LDB2: variants seen among roughly 807,000 people sequenced by gnomAD.
LDB2 encodes the protein LIM domain binding 2, also known as LIM domain-binding protein 2.
In LDB2, 12 loss-of-function variants were observed where a neutral mutation model predicts 44.3. The observed-to-expected ratio is 0.27, with a 90% CI of 0.17 to 0.44. The LOEUF (loss-of-function observed/expected upper bound fraction) is 0.44, where lower values mean the gene tolerates loss of function less well. LDB2 is among the 20% of genes least tolerant of loss of function. LDB2 has a pLI of 1.00. For synonymous variants in LDB2, 164 were observed against 174.8 expected, an observed-to-expected ratio of 0.94 and a Z score of 0.49; for missense variants, 344 against 473.5, an observed-to-expected ratio of 0.73 and a Z score of 2.54.
chr4:16,514,885 A>T (rs924796276), intron 5 of LDB2, among the ~76,000 whole-genome samples: 3 of 152,066 alleles, frequency 2.0e-5, no homozygotes, highest in East Asian at 3.9e-4. Flanking sequence ...CATTATGAAG[A>T]CTCTGTGTGC....
chr4:16,771,729 C>T (rs1770745648), intron 1 of LDB2, among the ~76,000 whole-genome samples: 1 of 152,188 alleles, frequency 6.6e-6, no homozygotes, highest in Non-Finnish European at 1.5e-5. Context: ...TGGAAATCCA[C>T]CCATGTTTCT....
intron 5 of LDB2, among the ~76,000 whole-genome samples, chr4:16,579,107 A>T (rs913904759): frequency 6.6e-6 from 1 of 152,198 alleles, no homozygotes; most frequent in Non-Finnish European, 1.5e-5. Context: ...AAAGAATTTT[A>T]AAAATCTAGC....
chr4:16,773,360 A>G (rs1771130594), intron 1 of LDB2, among the ~76,000 whole-genome samples: 1 of 152,210 alleles, frequency 6.6e-6, no homozygotes, highest in South Asian at 2.1e-4. Context: ...ATATAATTAA[A>G]TAATTATACA....
intron 3 of LDB2, 138 bp from the exon 4 acceptor site, chr4:16,588,970 A>G: frequency 1.3e-6 from 1 of 791,186 alleles, no homozygotes; most frequent in East Asian, 2.5e-5. Context: ...GACACGAGTG[A>G]TGTGTCCACT....
intron 1 of LDB2, among the ~76,000 whole-genome samples, chr4:16,888,968 ATTCCAGAAGAAAAAACT>A (rs1299620130): frequency 1.3e-5 from 2 of 152,112 alleles, no homozygotes; most frequent in African/African-American, 4.8e-5. Flanking sequence ...CACTGTTTTC[ATTCCAGAAGAAAAAACT>A]ATTGGTGAAA....
chr4:16,610,974 G>T (rs879737274), intron 2 of LDB2, among the ~76,000 whole-genome samples: 2 of 152,152 alleles, frequency 1.3e-5, no homozygotes, highest in Non-Finnish European at 2.9e-5. Flanking sequence ...AGAAAGGCCA[G>T]GTCACCTACA....
intron 2 of LDB2, among the ~76,000 whole-genome samples, chr4:16,605,078 C>T (rs1377688815): frequency 6.6e-6 from 1 of 152,102 alleles, no homozygotes; most frequent in Non-Finnish European, 1.5e-5. Flanking sequence ...GCAACTTTAG[C>T]TAGTTCTATA....
intron 5 of LDB2, among the ~76,000 whole-genome samples, chr4:16,579,445 G>A (rs75570441): frequency 1.1e-4 from 16 of 152,220 alleles, no homozygotes; most frequent in East Asian, 1.9e-4. Flanking sequence ...TTAGAAGAAC[G>A]CATTTCCAGT....
intron 2 of LDB2, among the ~76,000 whole-genome samples, chr4:16,732,934 A>T (rs901360098): frequency 1.3e-5 from 2 of 152,188 alleles, no homozygotes; most frequent in Admixed American, 1.3e-4. Context: ...CTGACTCTTT[A>T]AGGTCGGGGG....
chr4:16,628,535 G>A (rs1267671230), intron 2 of LDB2, among the ~76,000 whole-genome samples: 1 of 151,800 alleles, frequency 6.6e-6, no homozygotes, highest in Non-Finnish European at 1.5e-5. Flanking sequence ...TTTTTTGCCT[G>A]ACAAAACACT....
intron 2 of LDB2, among the ~76,000 whole-genome samples, chr4:16,676,622 C>G (rs1746406152): frequency 2.0e-5 from 3 of 152,348 alleles, no homozygotes; most frequent in Middle Eastern, 3.4e-3. Flanking sequence ...TCTGACAATA[C>G]AAACAGCTCT....
intron 2 of LDB2, among the ~76,000 whole-genome samples, chr4:16,615,553 A>G (rs1202179926): frequency 2.0e-5 from 3 of 152,130 alleles, no homozygotes; most frequent in Admixed American, 2.0e-4. Flanking sequence ...AGAGTTGAAC[A>G]CTGAGAACAC....
At chr4:16,671,108 CAAAAAAAAA>C (rs200098086) in intron 2 of LDB2, among the ~76,000 whole-genome samples, 1 of 111,534 alleles carries the variant, frequency 9.0e-6, no homozygotes, top group African/African-American at 2.9e-5. Flanking sequence ...ATAGCACATA[CAAAAAAAAA>C]AAACAAAAAA....
At chr4:16,516,787 A>G (rs1274154728) in intron 5 of LDB2, among the ~76,000 whole-genome samples, 1 of 152,200 alleles carries the variant, frequency 6.6e-6, no homozygotes, top group African/African-American at 2.4e-5. Context: ...CCTTTAATGT[A>G]AAAATATCTT....
intron 1 of LDB2, among the ~76,000 whole-genome samples, chr4:16,819,092 T>TTGTGTG (rs34553159): frequency 2.7e-5 from 4 of 148,960 alleles, no homozygotes; most frequent in South Asian, 2.1e-4. Context: ...TTGTGGTTGC[T>TTGTGTG]TGTGTGTGTG....
At chr4:16,566,648 C>T (rs534674812) in intron 5 of LDB2, among the ~76,000 whole-genome samples, 3 of 152,034 alleles carry the variant, frequency 2.0e-5, no homozygotes, top group Non-Finnish European at 4.4e-5. Flanking sequence ...AACCAGATGA[C>T]ATAGGGAAAA....
Position 16,506,382 on chromosome 4 carries a change from C to T in LDB2, c.891+2153G>A, listed in dbSNP as rs371363015. On this transcript the variant is annotated intron_variant, in intron 7 of 7. Transcript: ENST00000304523. ...ATCCAACTCTCATTTCCTAACGGTG[C>T]CTTGCTCTTAATCACACAAAATGCA... The T allele has an allele frequency of 3.0e-5, 5 of 164,822 alleles. 1 individual carries two copies. The East Asian group carries it at 5.2e-4, about 17-fold the overall frequency. 10.2% of individuals were successfully genotyped at this position (164,822 alleles called of 1,614,324 possible).
At chr4:16,567,367 A>T (rs201272628) in intron 5 of LDB2, among the ~76,000 whole-genome samples, 88 of 83,246 alleles carry the variant, frequency 1.1e-3, no homozygotes, top group African/African-American at 2.9e-3. Flanking sequence ...GCAGACATAG[A>T]GTGTGTGTGT....
intron 2 of LDB2, among the ~76,000 whole-genome samples, chr4:16,676,177 G>A (rs1746277320): frequency 6.6e-6 from 1 of 152,202 alleles, no homozygotes; most frequent in African/African-American, 2.4e-5. Context: ...GTGTGTTAAA[G>A]CACTTCACAT....
Sources: gnomAD v4.1 joint callset for allele counts (sites outside exome capture counted in the v4.1 genomes callset) on GRCh38, gnomAD v4.1.1 for gene constraint, MANE v1.5 for transcripts, NCBI Gene and HGNC (gene_info 2026-07-23, HGNC 2026-07-21) for gene names.